The following TIAM1 variants were observed in gnomAD, a reference collection of about 807,000 sequenced individuals.
TIAM1 encodes rho guanine nucleotide exchange factor TIAM1.
In TIAM1, 65 loss-of-function variants were observed where a neutral mutation model predicts 163.5. The ratio of observed to expected loss-of-function variants is 0.40; its 90% CI spans 0.33 to 0.49. The LOEUF is 0.49. Among genes scored for constraint, TIAM1 ranks in the 20% least tolerant of loss-of-function variants. The probability of loss-of-function intolerance (pLI) is 0.77; values close to 1 mark genes in which losing one functional copy is unlikely to be tolerated. For synonymous variants in TIAM1, 833 were observed against 810.1 expected, an observed-to-expected ratio of 1.03 and a Z score of -0.48; for missense variants, 1,789 against 2,044.7, an observed-to-expected ratio of 0.87 and a Z score of 2.41.
At chr21:31,214,051 G>A (rs1442456107) in intron 9 of TIAM1, among the ~76,000 whole-genome samples, 4 of 151,846 alleles carry the variant, frequency 2.6e-5, no homozygotes, top group South Asian at 4.2e-4. Context: ...TAGGTTAGGC[G>A]TGGTGGCTCA....
rs1206115781 is a variant in TIAM1, at chr21:31,462,790, TG to T, written c.-369+1192del. Among the ~76,000 whole-genome samples the T allele has an allele frequency of 1.1e-4, 16 of 151,334 alleles. No individual in the cohort carries two copies. In the East Asian group the frequency reaches 3.1e-3, roughly 30 times the overall value. On this transcript the variant is annotated intron_variant, in intron 2 of 28. Transcript: ENST00000286827. ...CCAAGTCTCACTCTATTGACCAGGCTGGAGGGCAGTGATGCAATCTTCGCTC... is the reference window on the plus strand; with the variant it reads ...CCAAGTCTCACTCTATTGACCAGGCTGAGGGCAGTGATGCAATCTTCGCTC...
chr21:31,243,205 A>ATATAT (rs1555902456), intron 6 of TIAM1, among the ~76,000 whole-genome samples: 10 of 125,470 alleles, frequency 8.0e-5, no homozygotes, highest in African/African-American at 2.7e-4. Flanking sequence ...AAAAAAAAAA[A>ATATAT]AAAAATATAT....
chr21:31,234,036 T>C (rs918426317), intron 6 of TIAM1, among the ~76,000 whole-genome samples: 1 of 152,274 alleles, frequency 6.6e-6, no homozygotes, highest in East Asian at 1.9e-4. Flanking sequence ...GTACTTCTAA[T>C]GTGCACAGAT....
At chr21:31,190,768 AAG>A (rs946021791) in intron 13 of TIAM1, among the ~76,000 whole-genome samples, 2 of 152,208 alleles carry the variant, frequency 1.3e-5, no homozygotes, top group African/African-American at 4.8e-5. Flanking sequence ...AGAGAGAGGC[AAG>A]AGAGAGAAAT....
rs552311067 is a variant in TIAM1 at position 31,190,578 on chromosome 21, G to A, written c.2576-3491C>T. The stretch of plus-strand genomic sequence containing the variant: ...CACCTATAACATGAGGAGAACACAC[G>A]ACTAAAAAATATAATAGTACTAGAA... On this transcript the variant is annotated intron_variant, in intron 13 of 27. Coordinates refer to ENST00000541036, the MANE Select transcript of TIAM1 (RefSeq NM_001353694.2). Among the ~76,000 whole-genome samples, 4 of 152,190 alleles carry A rather than the reference G, an allele frequency of 2.6e-5. No homozygotes were observed. In the South Asian group the frequency reaches 6.2e-4, roughly 24 times the overall value.
intron 1 of TIAM1, among the ~76,000 whole-genome samples, chr21:31,482,161 T>G (rs774563770): frequency 7.4e-5 from 2 of 26,922 alleles, no homozygotes; most frequent in African/African-American, 2.8e-4. Context: ...ACAAACATCC[T>G]TTTTTTTTGA....
intron 1 of TIAM1, among the ~76,000 whole-genome samples, chr21:31,521,065 T>C (rs1439165511): frequency 6.6e-6 from 1 of 152,246 alleles, no homozygotes; most frequent in Non-Finnish European, 1.5e-5. Context: ...TTTCACTCCA[T>C]CCATGCAGGC....
chr21:31,196,847 C>T (rs1282496356), intron 12 of TIAM1, among the ~76,000 whole-genome samples: 1 of 152,128 alleles, frequency 6.6e-6, no homozygotes, highest in African/African-American at 2.4e-5. Flanking sequence ...AATCTATATG[C>T]CCATCCAGGG....
chr21:31,145,351 A>G (rs553932064), intron 20 of TIAM1, among the ~76,000 whole-genome samples: 1 of 152,332 alleles, frequency 6.6e-6, no homozygotes, highest in South Asian at 2.1e-4. Context: ...GGCAGCAAAC[A>G]TAAACACAAG....
intron 1 of TIAM1, among the ~76,000 whole-genome samples, chr21:31,467,231 C>T (rs964832788): frequency 1.1e-4 from 16 of 152,170 alleles, no homozygotes; most frequent in African/African-American, 3.4e-4. Context: ...ACTTCAGAGG[C>T]TGAGGCAAGA....
intron 5 of TIAM1, among the ~76,000 whole-genome samples, chr21:31,250,822 C>G (rs549113422): frequency 3.3e-5 from 5 of 152,220 alleles, no homozygotes; most frequent in Admixed American, 3.3e-4. Flanking sequence ...TGCAACAATA[C>G]GTACATGTAC....
At chr21:31,206,306 C>T (rs776378522) in intron 11 of TIAM1, among the ~76,000 whole-genome samples, 1 of 152,098 alleles carries the variant, frequency 6.6e-6, no homozygotes, top group Non-Finnish European at 1.5e-5. Flanking sequence ...ATCATCAGAA[C>T]GATCAAGAAG....
rs773194908 is a variant in TIAM1 at position 31,165,073 on chromosome 21, A to G, written c.2888-8T>C. 1 of 1,613,536 alleles carries G rather than the reference A, an allele frequency of 6.2e-7. No homozygotes were observed. The highest frequency in any genetic ancestry group is 8.5e-7 in the Non-Finnish European group (1 of 1,179,986). On this transcript the variant is annotated splice_polypyrimidine_tract_variant and splice_region_variant and intron_variant, in intron 15 of 27. Coordinates refer to ENST00000541036, the MANE Select transcript of TIAM1 (RefSeq NM_001353694.2). ...CGCTGCAAAGGCTGTGCCCTGTCAG[A>G]TGAAATCAGAAGAAAATGTGGGTCA...
At chr21:31,173,103 A>G (rs2084592394) in intron 15 of TIAM1, among the ~76,000 whole-genome samples, 1 of 152,194 alleles carries the variant, frequency 6.6e-6, no homozygotes, top group South Asian at 2.1e-4. Flanking sequence ...TCATTTACCC[A>G]GATTACACAC....
At chr21:31,434,733 T>A (rs1312674272) in intron 2 of TIAM1, among the ~76,000 whole-genome samples, 1 of 152,154 alleles carries the variant, frequency 6.6e-6, no homozygotes, top group Non-Finnish European at 1.5e-5. Context: ...TAGCTCAGAG[T>A]GTGTGGACAG....
At chr21:31,525,853 G>C (rs1458529641) in intron 1 of TIAM1, among the ~76,000 whole-genome samples, 1 of 152,040 alleles carries the variant, frequency 6.6e-6, no homozygotes, top group Non-Finnish European at 1.5e-5. Context: ...GGCCAACATG[G>C]TGAAATCCCG....
Position 31,225,901 on chromosome 21 carries a change from G to C in TIAM1, c.1634C>G (p.Ala545Gly). Reference sequence around the variant, plus strand: ...GTGCCTCGCGACCGCAGTGGCGCAGGCAGAGTGGATGGCGGTGATCCAGTT... The same window carrying C: ...GTGCCTCGCGACCGCAGTGGCGCAGCCAGAGTGGATGGCGGTGATCCAGTT... ...LENWITAIHS[A>G]CATAVARHHH... The change falls in exon 7 of 28, where the codon GCC becomes GGC. Residue 545 changes from alanine (A) to glycine (G), a missense_variant. By Grantham distance (60) the Ala-to-Gly change is moderately conservative. This residue lies in a region of TIAM1 where 456 missense variants were observed against 586.6 expected (regional missense o/e 0.78). Coordinates refer to ENST00000541036, the MANE Select transcript of TIAM1 (RefSeq NM_001353694.2). 1.2e-6 allele frequency: 2 copies of C among 1,614,194 alleles called. 1 individual carries two copies. Among genetic ancestry groups the C allele is most frequent in the South Asian group, 2.2e-5 (2 of 91,082 alleles).
rs529932103 is a variant in TIAM1 at position 31,252,300 on chromosome 21, C to T, written c.964-111G>A. 6 of 1,192,432 alleles carry T rather than the reference C, an allele frequency of 5.0e-6. No homozygotes were observed. The South Asian group carries it at 5.9e-5, about 12-fold the overall frequency. 73.9% of individuals were successfully genotyped at this position (1,192,432 alleles called of 1,614,324 possible). On this transcript the variant is annotated intron_variant, in intron 4 of 27. Coordinates refer to ENST00000541036, the MANE Select transcript of TIAM1 (RefSeq NM_001353694.2). ...GCCAGGGCTCTGTAGCAGCGGGATACGCATAAGGCACAGCCACTCCTGACG... is the reference window on the plus strand; with the variant it reads ...GCCAGGGCTCTGTAGCAGCGGGATATGCATAAGGCACAGCCACTCCTGACG...
chr21:31,126,230 G>A (rs2082191929), intron 26 of TIAM1, among the ~76,000 whole-genome samples: 1 of 152,106 alleles, frequency 6.6e-6, no homozygotes, highest in Non-Finnish European at 1.5e-5. Context: ...TACTCACTGT[G>A]TGAGGTACTG....
Sources: allele counts gnomAD v4.1 joint callset (sites outside exome capture counted in the v4.1 genomes callset), GRCh38; gene constraint gnomAD v4.1.1; regional missense constraint gnomAD v4.1.1; transcripts MANE v1.5; gene names NCBI Gene and HGNC (gene_info 2026-07-23, HGNC 2026-07-21).